The following NCALD variants were observed in gnomAD, a reference collection of about 807,000 sequenced individuals.
NCALD encodes neurocalcin delta, also known as neurocalcin-delta.
NCALD carries 10 observed loss-of-function variants against 18.6 expected under a neutral mutation model. That is an observed-to-expected ratio of 0.54 (90% CI 0.33 to 0.91). The LOEUF (loss-of-function observed/expected upper bound fraction) is 0.91, where lower values mean the gene tolerates loss of function less well. NCALD is among the 40% of genes least tolerant of loss of function. The pLI is 0.03. For synonymous variants in NCALD, 88 were observed against 87.4 expected (o/e 1.01, Z -0.04); for missense variants, 184 against 247.6 (o/e 0.74, Z 1.72).
At chr8:101,969,408 C>T (rs1317687247) in intron 2 of NCALD, among the ~76,000 whole-genome samples, 1 of 152,196 alleles carries the variant, frequency 6.6e-6, no homozygotes, top group Non-Finnish European at 1.5e-5. Context: ...TATTACCCCA[C>T]ACTTCGTAAT....
intron 1 of NCALD, among the ~76,000 whole-genome samples, chr8:101,760,659 G>A (rs1010223548): frequency 6.6e-6 from 1 of 152,202 alleles, no homozygotes; most frequent in Admixed American, 6.5e-5. Flanking sequence ...TCAGCTTTAA[G>A]TTAAACATAA....
intron 1 of NCALD, among the ~76,000 whole-genome samples, chr8:102,073,412 C>T (rs1427067574): frequency 1.3e-5 from 2 of 151,934 alleles, no homozygotes; most frequent in African/African-American, 4.8e-5. Flanking sequence ...GGAAGTTGTC[C>T]TGTTTTTGAT....
intron 2 of NCALD, among the ~76,000 whole-genome samples, chr8:101,978,481 C>A (rs1288674148): frequency 1.3e-5 from 2 of 152,162 alleles, no homozygotes; most frequent in Non-Finnish European, 2.9e-5. Flanking sequence ...CATTATACAA[C>A]TGAGGAAACT....
At chr8:101,921,060 A>G (rs1818147884) in intron 2 of NCALD, among the ~76,000 whole-genome samples, 2 of 152,148 alleles carry the variant, frequency 1.3e-5, no homozygotes, top group South Asian at 4.1e-4. Context: ...CCGATTGAGA[A>G]GGCTTCAAGG....
intron 3 of NCALD, among the ~76,000 whole-genome samples, chr8:101,889,085 A>G (rs1816780061): frequency 6.6e-6 from 1 of 152,236 alleles, no homozygotes; most frequent in South Asian, 2.1e-4. Flanking sequence ...GTACTTTCAA[A>G]GGACCCTGGC....
chr8:101,944,042 A>G (rs1819070130), intron 2 of NCALD, among the ~76,000 whole-genome samples: 1 of 152,204 alleles, frequency 6.6e-6, no homozygotes, highest in Non-Finnish European at 1.5e-5. Context: ...AGCATTAGCT[A>G]GTCCCTTCCA....
In NCALD at chr8:101,692,485, G is replaced by T. The variant is rs139422698; in HGVS notation, c.484+306C>A. The T allele has an allele frequency of 6.1e-6, 6 of 985,450 alleles. No homozygotes were observed. The East Asian group carries it at 6.8e-4, about 112-fold the overall frequency. The allele number at this position is 985,450 out of a possible 1,614,324, so 61.0% of individuals were successfully genotyped here. The stretch of plus-strand genomic sequence containing the variant: ...TGCTATAGCCTAGGCCTGTCCCAAG[G>T]ATGGGTCTGTGCTAACAATGGTTTC... On this transcript the variant is annotated intron_variant, in intron 3 of 3. Coordinates refer to ENST00000220931, the MANE Select transcript of NCALD (RefSeq NM_032041.3).
chr8:102,093,909 C>A (rs1331728485), intron 1 of NCALD, among the ~76,000 whole-genome samples: 1 of 152,058 alleles, frequency 6.6e-6, no homozygotes, highest in Admixed American at 6.5e-5. Context: ...TACCTTAATA[C>A]CCTACAAATT....
chr8:102,082,271 C>T (rs945861205), intron 1 of NCALD, among the ~76,000 whole-genome samples: 3 of 108,022 alleles, frequency 2.8e-5, no homozygotes, highest in African/African-American at 1.3e-4. Flanking sequence ...CTCGCTCTGT[C>T]GCCCAGGCTG....
At chr8:101,706,425 T>A (rs1434075286) in intron 2 of NCALD, among the ~76,000 whole-genome samples, 1 of 152,218 alleles carries the variant, frequency 6.6e-6, no homozygotes, top group Non-Finnish European at 1.5e-5. Flanking sequence ...CATTAAGAGT[T>A]GGACACAGTA....
In NCALD at chr8:101,820,818, A is replaced by G. The variant is rs150540188; in HGVS notation, c.-20+66323T>C. On this transcript the variant is annotated intron_variant, in intron 4 of 6. Coordinates refer to the NCALD transcript ENST00000311028. ...TCTCCAAAACAATATACTTGGAAAT[A>G]TGCAGGCAATATTTGCGTTAGCTAC... Among the ~76,000 whole-genome samples the G allele has an allele frequency of 6.6e-5, 10 of 152,344 alleles. No individual in the cohort carries two copies. The East Asian group carries it at 1.9e-3, about 29-fold the overall frequency.
At chr8:101,743,967 C>T (rs992501049) in intron 1 of NCALD, among the ~76,000 whole-genome samples, 2 of 152,096 alleles carry the variant, frequency 1.3e-5, no homozygotes, top group African/African-American at 2.4e-5. Context: ...CCTTTAAACC[C>T]GAGAGAAGTT....
intron 4 of NCALD, among the ~76,000 whole-genome samples, chr8:101,797,368 A>G (rs1374487657): frequency 2.0e-5 from 3 of 152,260 alleles, no homozygotes; most frequent in Admixed American, 6.5e-5. Context: ...TCTTAAAAAC[A>G]GCAAGATAAA....
chr8:102,015,809 A>G (rs1252734319), intron 2 of NCALD, among the ~76,000 whole-genome samples: 2 of 152,130 alleles, frequency 1.3e-5, no homozygotes, highest in Admixed American at 1.3e-4. Context: ...AAACAGCTAA[A>G]ATGTTAATGA....
At chr8:101,844,235 C>A (rs1474326003) in intron 4 of NCALD, among the ~76,000 whole-genome samples, 2 of 152,212 alleles carry the variant, frequency 1.3e-5, no homozygotes, top group African/African-American at 2.4e-5. Flanking sequence ...CTTTAGTCCA[C>A]TTTCCCTTGA....
chr8:102,041,769 A>G (rs2132179193), intron 1 of NCALD, among the ~76,000 whole-genome samples: 1 of 149,790 alleles, frequency 6.7e-6, no homozygotes, highest in South Asian at 2.1e-4. Flanking sequence ...CCCAGTCCAA[A>G]AGGGAAGCTG....
chr8:101,981,583 T>C (rs1711656092), intron 2 of NCALD, among the ~76,000 whole-genome samples: 1 of 152,228 alleles, frequency 6.6e-6, no homozygotes, highest in South Asian at 2.1e-4. Context: ...ACTGATTTAT[T>C]CTCCTGCCCA....
intron 1 of NCALD, among the ~76,000 whole-genome samples, chr8:102,022,977 A>AT (rs1366880806): frequency 6.6e-6 from 1 of 151,870 alleles, no homozygotes; most frequent in African/African-American, 2.4e-5. Flanking sequence ...CACCCACCCC[A>AT]TCTCACACCC....
chr8:101,827,076 G>A (rs898028699), intron 4 of NCALD, among the ~76,000 whole-genome samples: 2 of 152,086 alleles, frequency 1.3e-5, no homozygotes, highest in African/African-American at 4.8e-5. Flanking sequence ...AGTACTGCTG[G>A]GTCAAAGATA....
Sources: allele counts gnomAD v4.1 joint callset (sites outside exome capture counted in the v4.1 genomes callset), GRCh38; gene constraint gnomAD v4.1.1; transcripts MANE v1.5; gene names NCBI Gene and HGNC (gene_info 2026-07-23, HGNC 2026-07-21).